DNAJC1: variants seen among roughly 807,000 people sequenced by gnomAD.
DNAJC1 encodes the protein DnaJ heat shock protein family (Hsp40) member C1.
Under a neutral mutation model 76.6 loss-of-function variants are expected in DNAJC1, and 58 were observed. That is an observed-to-expected ratio of 0.76 (90% CI 0.61 to 0.94). The LOEUF is 0.94. Among genes scored for constraint, DNAJC1 ranks in the 40% least tolerant of loss-of-function variants. DNAJC1 has a pLI of 0.00. For synonymous variants in DNAJC1, 258 were observed against 267.9 expected, an observed-to-expected ratio of 0.96 and a Z score of 0.36; for missense variants, 689 against 677.3, an observed-to-expected ratio of 1.02 and a Z score of -0.19.
At chr10:21,790,749 A>G (rs1834674816) in intron 9 of DNAJC1, among the ~76,000 whole-genome samples, 1 of 152,162 alleles carries the variant, frequency 6.6e-6, no homozygotes, top group African/African-American at 2.4e-5. Context: ...CAGAAAAAGG[A>G]TCAAATCTTA....
At chr10:21,890,500 C>A (rs1386242065) in intron 7 of DNAJC1, among the ~76,000 whole-genome samples, 1 of 146,310 alleles carries the variant, frequency 6.8e-6, no homozygotes, top group Non-Finnish European at 1.6e-5. Flanking sequence ...ACAAAGCCAT[C>A]CCCATATAAT....
In DNAJC1 at chr10:21,978,242, A is replaced by G. The variant is rs538172040; in HGVS notation, c.222+24971T>C. On this transcript the variant is annotated intron_variant, in intron 1 of 11. Transcript: ENST00000376980. ...ACCAGTCACCCAGAAGCACATCTCC[A>G]TCAAGAGGGAAATTTGAACAGAGGG... 6.6e-5 allele frequency among the ~76,000 whole-genome samples: 10 copies of G among 152,214 alleles called. No individual in the cohort carries two copies. In the South Asian group the frequency reaches 2.1e-3, roughly 32 times the overall value.
At chr10:21,828,724 A>G (rs1835305067) in intron 8 of DNAJC1, among the ~76,000 whole-genome samples, 1 of 152,248 alleles carries the variant, frequency 6.6e-6, no homozygotes, top group South Asian at 2.1e-4. Flanking sequence ...AACATTAGAA[A>G]ATAACTTTTT....
Position 21,818,255 on chromosome 10 carries a change from T to A in DNAJC1, c.979-12156A>T, listed in dbSNP as rs183459515. Among the ~76,000 whole-genome samples, 48 of 152,232 alleles carry A rather than the reference T, an allele frequency of 3.2e-4. 1 individual carries two copies. The East Asian group carries it at 8.3e-3, about 26-fold the overall frequency. On this transcript the variant is annotated intron_variant, in intron 8 of 11. Coordinates refer to ENST00000376980, the MANE Select transcript of DNAJC1 (RefSeq NM_022365.4). ...GTCTTTTATGGTCTAGCTGTAGGGA[T>A]GAAATAAGCCCCAGTCTCCCATAGC...
intron 8 of DNAJC1, among the ~76,000 whole-genome samples, chr10:21,813,243 T>TATAC (rs1326133473): frequency 7.6e-6 from 1 of 130,916 alleles, no homozygotes; most frequent in Non-Finnish European, 1.6e-5. Flanking sequence ...TATATATATA[T>TATAC]ACACATACAG....
chr10:21,976,682 ATTT>A (rs1838068879), intron 1 of DNAJC1, among the ~76,000 whole-genome samples: 1 of 152,198 alleles, frequency 6.6e-6, no homozygotes, highest in African/African-American at 2.4e-5. Context: ...TTACCCTTGC[ATTT>A]TAGGAGTAAG....
At chr10:21,776,430 T>C (rs72802957) in intron 9 of DNAJC1, among the ~76,000 whole-genome samples, 1,613 of 152,318 alleles carry the variant, frequency 0.011, 12 homozygotes, top group Non-Finnish European at 0.016. Context: ...ACAAAAATTA[T>C]GTAACTGTGA....
At position 21,882,412 on chromosome 10, in the gene DNAJC1, G is replaced by T; in HGVS notation, c.848C>A (p.Pro283His). 6.6e-7 allele frequency: 1 copy of T among 1,509,466 alleles called. No individual in the cohort carries two copies. Among genetic ancestry groups the T allele is most frequent in the Non-Finnish European group, 8.8e-7 (1 of 1,135,494 alleles). 93.5% of individuals were successfully genotyped at this position (1,509,466 alleles called of 1,614,324 possible). Residue 283 changes from proline (P) to histidine (H), a missense_variant, in exon 8 of 12, where the codon CCT becomes CAT. Coordinates refer to ENST00000376980, the MANE Select transcript of DNAJC1 (RefSeq NM_022365.4). ...QKQKKVKKPKPEFPVYTPLET... is the reference protein window; with the variant it reads ...QKQKKVKKPKHEFPVYTPLET... The stretch of plus-strand genomic sequence containing the variant: ...TAAAGGTGTGTATACAGGAAATTCA[G>T]GTTTTGGTTTTTTAACTTTCTTCTG...
At chr10:21,779,090 C>A (rs567974950) in intron 9 of DNAJC1, among the ~76,000 whole-genome samples, 2 of 152,194 alleles carry the variant, frequency 1.3e-5, no homozygotes, top group African/African-American at 4.8e-5. Flanking sequence ...GTAAACAAAG[C>A]GGCCAGGAAG....
intron 8 of DNAJC1, among the ~76,000 whole-genome samples, chr10:21,866,252 G>A (rs1836000768): frequency 6.6e-6 from 1 of 151,520 alleles, no homozygotes; most frequent in Non-Finnish European, 1.5e-5. Context: ...TGGAATGAAT[G>A]CTTTAAATAA....
In DNAJC1 at chr10:21,756,625, T is replaced by C. The variant is rs990826851; in HGVS notation, c.*62A>G. ...TATTGAGGTACAAAATGCAAATTTC[T>C]GCATAAGATTTTTAAGATATTCATT... On this transcript the variant is annotated 3_prime_UTR_variant, in exon 12 of 12. Coordinates refer to ENST00000376980, the MANE Select transcript of DNAJC1 (RefSeq NM_022365.4). The C allele has an allele frequency of 8.3e-6, 11 of 1,324,032 alleles. No individual in the cohort carries two copies. The highest frequency in any genetic ancestry group is 1.2e-5 in the Non-Finnish European group (11 of 920,756). The allele number at this position is 1,324,032 out of a possible 1,614,324, so 82.0% of individuals were successfully genotyped here.
chr10:21,828,402 T>C (rs1429867574), intron 8 of DNAJC1, among the ~76,000 whole-genome samples: 1 of 152,162 alleles, frequency 6.6e-6, no homozygotes, highest in Non-Finnish European at 1.5e-5. Context: ...TAAAAGGAAA[T>C]TAAGGTATTA....
intron 1 of DNAJC1, among the ~76,000 whole-genome samples, chr10:21,934,927 T>TAC (rs1837286809): frequency 1.3e-5 from 2 of 152,276 alleles, no homozygotes; most frequent in African/African-American, 4.8e-5. Context: ...CTAGTGGCCA[T>TAC]ACACAGCACA....
At chr10:21,802,669 C>T (rs902775890) in intron 9 of DNAJC1, among the ~76,000 whole-genome samples, 5 of 152,102 alleles carry the variant, frequency 3.3e-5, no homozygotes, top group African/African-American at 1.2e-4. Context: ...GAAAAATCTC[C>T]TATCAGTCTG....
Position 21,891,501 on chromosome 10 carries a change from G to GA in DNAJC1, c.821-9063dup, listed in dbSNP as rs1435674322. ...CAAAAAAAAAAAAAAAAAAAGAAAAGAAAAAAAAAAGAACACCGCCCTGGG... is the reference window on the plus strand; with the variant it reads ...CAAAAAAAAAAAAAAAAAAAGAAAAGAAAAAAAAAAAGAACACCGCCCTGGG... On this transcript the variant is annotated intron_variant, in intron 7 of 11. Coordinates refer to ENST00000376980, the MANE Select transcript of DNAJC1 (RefSeq NM_022365.4). 6.2e-3 allele frequency among the ~76,000 whole-genome samples: 733 copies of GA among 118,462 alleles called. 5 individuals carry two copies. The highest frequency in any genetic ancestry group is 0.02 in the African/African-American group (651 of 31,940). 77.7% of individuals were successfully genotyped at this position (118,462 alleles called of 152,430 possible).
chr10:21,816,042 C>G (rs951411106), intron 8 of DNAJC1, among the ~76,000 whole-genome samples: 1 of 151,688 alleles, frequency 6.6e-6, no homozygotes, highest in African/African-American at 2.4e-5. Context: ...CCGCGCCCAG[C>G]CTTCAAGTTT....
chr10:21,960,202 A>G (rs533869529), intron 1 of DNAJC1, among the ~76,000 whole-genome samples: 2 of 152,240 alleles, frequency 1.3e-5, no homozygotes, highest in South Asian at 4.1e-4. Flanking sequence ...CAAAAGCCAA[A>G]CTCCTTAGTG....
chr10:21,939,390 A>T (rs551231945), intron 1 of DNAJC1, among the ~76,000 whole-genome samples: 1 of 152,312 alleles, frequency 6.6e-6, no homozygotes, highest in Admixed American at 6.5e-5. Flanking sequence ...AATCAAGACC[A>T]ACTGCCTCAA....
intron 9 of DNAJC1, among the ~76,000 whole-genome samples, chr10:21,772,663 T>G: frequency 6.6e-6 from 1 of 152,224 alleles, no homozygotes; most frequent in East Asian, 1.9e-4. Context: ...ATGTTAATTT[T>G]CTTGATATTT....
Sources: gnomAD v4.1 joint callset for allele counts (sites outside exome capture counted in the v4.1 genomes callset) on GRCh38, gnomAD v4.1.1 for gene constraint, MANE v1.5 for transcripts, NCBI Gene and HGNC (gene_info 2026-07-23, HGNC 2026-07-21) for gene names.